The following ANKS1B variants were observed in gnomAD, a reference collection of about 807,000 sequenced individuals.
ANKS1B encodes ankyrin repeat and sterile alpha motif domain-containing protein 1B.
A neutral mutation model predicts 148.3 loss-of-function variants in ANKS1B; 36 were observed. The observed-to-expected ratio is 0.24, with a 90% CI of 0.19 to 0.32. The LOEUF is 0.32. Ranked by LOEUF, ANKS1B falls within the 10% of genes least tolerant of loss-of-function variation. ANKS1B has a pLI of 1.00. For missense variants in ANKS1B, 1,157 were observed against 1,542.6 expected, an observed-to-expected ratio of 0.75 and a Z score of 4.19; for synonymous variants, 542 against 560.8, an observed-to-expected ratio of 0.97 and a Z score of 0.47.
At chr12:99,327,233 TAATAATTATAATTTATTATAATTATATA>T (rs1369238030) in intron 12 of ANKS1B, among the ~76,000 whole-genome samples, 87 of 108,186 alleles carry the variant, frequency 8.0e-4, no homozygotes, top group South Asian at 2.2e-3. Context: ...TTTATAATTA[TAATAATTATAATTTATTATAATTATATA>T]AATAATTATA....
intron 1 of ANKS1B, among the ~76,000 whole-genome samples, chr12:99,928,590 T>C (rs1021508399): frequency 6.6e-6 from 1 of 152,202 alleles, no homozygotes; most frequent in Non-Finnish European, 1.5e-5. Flanking sequence ...ACCTATTATT[T>C]TATAAAGCTG....
chr12:99,531,484 A>C (rs1291065922), intron 9 of ANKS1B, among the ~76,000 whole-genome samples: 1 of 152,146 alleles, frequency 6.6e-6, no homozygotes, highest in African/African-American at 2.4e-5. Flanking sequence ...TTTCCAAGTT[A>C]CTTCACTTAG....
intron 14 of ANKS1B, among the ~76,000 whole-genome samples, chr12:99,184,340 G>C (rs988967204): frequency 2.6e-5 from 4 of 152,144 alleles, no homozygotes; most frequent in Non-Finnish European, 4.4e-5. Flanking sequence ...AAGGTTTCAT[G>C]GTGTGCAAGA....
intron 9 of ANKS1B, among the ~76,000 whole-genome samples, chr12:99,549,190 T>C (rs2097196783): frequency 6.6e-6 from 1 of 152,198 alleles, no homozygotes; most frequent in Non-Finnish European, 1.5e-5. Context: ...AGTCCAGGTA[T>C]ACTATACCTC....
In ANKS1B at chr12:99,317,741, C is replaced by A. The variant is rs569910733; in HGVS notation, c.1757-70877G>T. On this transcript the variant is annotated intron_variant, in intron 12 of 26. Coordinates refer to ENST00000683438, the MANE Select transcript of ANKS1B (RefSeq NM_001352186.2). The stretch of plus-strand genomic sequence containing the variant: ...TGAGAGAGGGCATCTCTGTCTTGTG[C>A]CAGTTTTCAAAGGGAATGCTTCCAA... Among the ~76,000 whole-genome samples the A allele has an allele frequency of 3.0e-4, 45 of 152,264 alleles. No individual in the cohort carries two copies. In the South Asian group the frequency reaches 9.1e-3, roughly 31 times the overall value.
At chr12:99,309,004 T>C (rs1469900498) in intron 12 of ANKS1B, among the ~76,000 whole-genome samples, 1 of 151,174 alleles carries the variant, frequency 6.6e-6, no homozygotes, top group Non-Finnish European at 1.5e-5. Context: ...ATACTACAGG[T>C]ATTTACAAAT....
At chr12:99,693,171 T>A (rs530202075) in intron 8 of ANKS1B, among the ~76,000 whole-genome samples, 7 of 152,180 alleles carry the variant, frequency 4.6e-5, no homozygotes, top group Admixed American at 1.3e-4. Flanking sequence ...AACAGAAGAA[T>A]GTATTTCAAG....
intron 9 of ANKS1B, among the ~76,000 whole-genome samples, chr12:99,628,633 G>C (rs1208733721): frequency 6.6e-6 from 1 of 152,104 alleles, no homozygotes; most frequent in Non-Finnish European, 1.5e-5. Context: ...GAATACTTCA[G>C]ACTGGGTAAT....
At chr12:98,770,681 G>A (rs979312948) in intron 25 of ANKS1B, among the ~76,000 whole-genome samples, 4 of 152,034 alleles carry the variant, frequency 2.6e-5, no homozygotes, top group African/African-American at 9.7e-5. Context: ...AAACCAAAAG[G>A]GGTGAGGAAC....
At chr12:98,914,062 G>A (rs1437917889) in intron 17 of ANKS1B, among the ~76,000 whole-genome samples, 1 of 152,122 alleles carries the variant, frequency 6.6e-6, no homozygotes, top group African/African-American at 2.4e-5. Flanking sequence ...ATATCACGCT[G>A]AATTGTAATC....
At chr12:99,584,031 C>T (rs2153230376) in intron 9 of ANKS1B, among the ~76,000 whole-genome samples, 1 of 152,248 alleles carries the variant, frequency 6.6e-6, no homozygotes, top group East Asian at 1.9e-4. Flanking sequence ...TCTAGAGCCC[C>T]TTTTTCCTTT....
intron 8 of ANKS1B, among the ~76,000 whole-genome samples, chr12:99,765,924 T>C (rs1251848069): frequency 6.6e-6 from 1 of 152,128 alleles, no homozygotes; most frequent in African/African-American, 2.4e-5. Flanking sequence ...AAGGTCACCC[T>C]GCTAGTAAAT....
At chr12:98,852,302 C>A (rs577118905) in intron 17 of ANKS1B, among the ~76,000 whole-genome samples, 4 of 152,156 alleles carry the variant, frequency 2.6e-5, no homozygotes, top group Admixed American at 2.6e-4. Context: ...GAGGAGGGAG[C>A]AGATCTGAGA....
At chr12:98,925,884 C>G (rs1042071613) in intron 17 of ANKS1B, among the ~76,000 whole-genome samples, 2 of 152,082 alleles carry the variant, frequency 1.3e-5, no homozygotes, top group Non-Finnish European at 2.9e-5. Context: ...CTGACCCCAG[C>G]TAATTTTTTG....
chr12:99,410,505 T>C (rs929909975), intron 11 of ANKS1B, among the ~76,000 whole-genome samples: 15 of 152,054 alleles, frequency 9.9e-5, no homozygotes, highest in Non-Finnish European at 1.8e-4. Context: ...CCGTCTCTAC[T>C]AAAAATACAA....
chr12:99,578,918 C>T (rs1475340663), intron 9 of ANKS1B, among the ~76,000 whole-genome samples: 1 of 151,960 alleles, frequency 6.6e-6, no homozygotes, highest in Non-Finnish European at 1.5e-5. Flanking sequence ...AAGAACAATG[C>T]CAGTGACATA....
At chr12:99,655,334 C>T in intron 8 of ANKS1B, 124 bp from the exon 9 acceptor site, 1 of 817,972 alleles carries the variant, frequency 1.2e-6, no homozygotes, top group Non-Finnish European at 1.8e-6. Flanking sequence ...CTTTTAGCCA[C>T]AGTTACATGG....
chr12:99,707,832 A>G (rs1398311286), intron 8 of ANKS1B, among the ~76,000 whole-genome samples: 1 of 151,534 alleles, frequency 6.6e-6, no homozygotes. Context: ...TTGCTAAAGG[A>G]AAAAAAAAGT....
chr12:99,334,490 G>A (rs1403649596), intron 12 of ANKS1B, among the ~76,000 whole-genome samples: 1 of 151,914 alleles, frequency 6.6e-6, no homozygotes, highest in Non-Finnish European at 1.5e-5. Context: ...CTCTTGAGTG[G>A]AACAGAACAA....
Sources: gnomAD v4.1 joint callset for allele counts (sites outside exome capture counted in the v4.1 genomes callset) on GRCh38, gnomAD v4.1.1 for gene constraint, MANE v1.5 for transcripts, NCBI Gene and HGNC (gene_info 2026-07-23, HGNC 2026-07-21) for gene names.